The following CNTN4 variants were observed in gnomAD, a reference collection of about 807,000 sequenced individuals.
CNTN4 encodes the protein contactin-4.
CNTN4 carries 77 observed loss-of-function variants against 122.5 expected under a neutral mutation model. The ratio of observed to expected loss-of-function variants is 0.63; its 90% CI spans 0.52 to 0.76. CNTN4 has a LOEUF of 0.76. Ranked by LOEUF, CNTN4 falls within the 30% of genes least tolerant of loss-of-function variation. The pLI is 0.00. For synonymous variants in CNTN4, 512 were observed against 447.0 expected, an observed-to-expected ratio of 1.15 and a Z score of -1.83; for missense variants, 1,256 against 1,259.1, an observed-to-expected ratio of 1.00 and a Z score of 0.04.
chr3:2,536,248 A>G (rs1386126804), intron 3 of CNTN4, among the ~76,000 whole-genome samples: 1 of 152,166 alleles, frequency 6.6e-6, no homozygotes, highest in Non-Finnish European at 1.5e-5. Context: ...TTTCAAATCC[A>G]CAAAGTTCAA....
At chr3:2,986,483 C>T (rs1421350611) in intron 13 of CNTN4, among the ~76,000 whole-genome samples, 1 of 152,288 alleles carries the variant, frequency 6.6e-6, no homozygotes, top group African/African-American at 2.4e-5. Flanking sequence ...ACCTTCATAC[C>T]CTCTCATCAG....
intron 2 of CNTN4, among the ~76,000 whole-genome samples, chr3:2,190,860 C>A (rs191034570): frequency 3.0e-4 from 45 of 150,858 alleles, no homozygotes; most frequent in Non-Finnish European, 3.5e-4. Flanking sequence ...AAATATATAT[C>A]TCGTACACAC....
At chr3:2,783,112 C>G (rs1215243063) in intron 6 of CNTN4, among the ~76,000 whole-genome samples, 1 of 150,948 alleles carries the variant, frequency 6.6e-6, no homozygotes, top group South Asian at 2.1e-4. Flanking sequence ...GATTTTCTCT[C>G]TACTAATTTT....
At chr3:2,573,345 ATCCC>A (rs2079513294) in intron 4 of CNTN4, among the ~76,000 whole-genome samples, 1 of 152,154 alleles carries the variant, frequency 6.6e-6, no homozygotes, top group Admixed American at 6.5e-5. Flanking sequence ...ACATCTTGGC[ATCCC>A]TCTTAGTGAT....
Position 2,745,648 on chromosome 3 carries a change from A to G in CNTN4, c.309A>G (p.Thr103=), listed in dbSNP as rs770983684. The change falls in exon 6 of 25, where the codon ACA becomes ACG. Residue 103 remains threonine (T), a synonymous_variant. Transcript: ENST00000418658. ...QDAGTYQCTA[T]NSFGTIVSRE... ...CTGGAACGTACCAGTGCACAGCGACAAACTCGTTTGGAACAATTGTTAGCA... is the reference window on the plus strand; with the variant it reads ...CTGGAACGTACCAGTGCACAGCGACGAACTCGTTTGGAACAATTGTTAGCA... The G allele has an allele frequency of 4.0e-5, 64 of 1,614,006 alleles. No homozygotes were observed. The highest frequency in any genetic ancestry group is 6.7e-5 in the Admixed American group (4 of 60,008).
intron 4 of CNTN4, among the ~76,000 whole-genome samples, chr3:2,693,795 C>T (rs2149208795): frequency 6.6e-6 from 1 of 152,284 alleles, no homozygotes; most frequent in African/African-American, 2.4e-5. Flanking sequence ...TACTAGGAAA[C>T]ACATCACAAG....
intron 13 of CNTN4, among the ~76,000 whole-genome samples, chr3:2,937,573 C>T (rs746342697): frequency 6.6e-6 from 1 of 152,040 alleles, no homozygotes; most frequent in Non-Finnish European, 1.5e-5. Flanking sequence ...GGTCTAGTTC[C>T]GTTGGGGAAG....
intron 3 of CNTN4, among the ~76,000 whole-genome samples, chr3:2,406,265 C>A (rs2047032351): frequency 1.3e-5 from 2 of 152,136 alleles, no homozygotes; most frequent in Non-Finnish European, 2.9e-5. Flanking sequence ...AATGGTAAGA[C>A]ATTTTGACAT....
intron 2 of CNTN4, among the ~76,000 whole-genome samples, chr3:2,222,501 C>G (rs1467389737): frequency 6.6e-6 from 1 of 151,882 alleles, no homozygotes; most frequent in Non-Finnish European, 1.5e-5. Context: ...TTGGAAAGTA[C>G]TAAAAACCAT....
At chr3:3,003,722 A>AC (rs1696307675) in intron 14 of CNTN4, among the ~76,000 whole-genome samples, 1 of 149,076 alleles carries the variant, frequency 6.7e-6, no homozygotes. Flanking sequence ...AAACAAAAAA[A>AC]CCCCACTGAA....
chr3:2,531,044 A>C (rs981164989), intron 3 of CNTN4, among the ~76,000 whole-genome samples: 2 of 152,196 alleles, frequency 1.3e-5, no homozygotes, highest in Non-Finnish European at 2.9e-5. Context: ...TACTAACAGA[A>C]GTGACTACAG....
At chr3:3,039,182 C>G (rs552765938) in intron 19 of CNTN4, 179 bp downstream of exon 19, 2 of 624,412 alleles carry the variant, frequency 3.2e-6, no homozygotes, top group South Asian at 1.8e-5. Context: ...ACTTGCCCAT[C>G]CATTGTTGAG....
At chr3:2,705,868 TAA>T (rs2086688444) in intron 4 of CNTN4, among the ~76,000 whole-genome samples, 1 of 80,198 alleles carries the variant, frequency 1.2e-5, no homozygotes, top group Admixed American at 2.1e-4. Flanking sequence ...TGTTTATATA[TAA>T]TATATATTTT....
intron 3 of CNTN4, among the ~76,000 whole-genome samples, chr3:2,401,487 C>G (rs1459038918): frequency 6.6e-6 from 1 of 152,048 alleles, no homozygotes; most frequent in Non-Finnish European, 1.5e-5. Flanking sequence ...AGAGTTTTCA[C>G]TTTATTATGT....
chr3:2,821,649 CG>C (rs1241158987), intron 7 of CNTN4, among the ~76,000 whole-genome samples: 1 of 152,052 alleles, frequency 6.6e-6, no homozygotes, highest in Non-Finnish European at 1.5e-5. Context: ...CTTGCAGTGT[CG>C]GCTAAAAGGA....
intron 2 of CNTN4, among the ~76,000 whole-genome samples, chr3:2,134,141 T>C (rs950972808): frequency 7.2e-5 from 11 of 152,188 alleles, no homozygotes; most frequent in Admixed American, 1.3e-4. Context: ...ATGACTTGCT[T>C]GTGTCTAGAA....
At chr3:2,775,678 C>G (rs2091287917) in intron 6 of CNTN4, among the ~76,000 whole-genome samples, 2 of 152,142 alleles carry the variant, frequency 1.3e-5, no homozygotes, top group African/African-American at 4.8e-5. Flanking sequence ...GCCTTAGCCT[C>G]CCAAACTGCT....
intron 7 of CNTN4, among the ~76,000 whole-genome samples, chr3:2,826,646 C>T (rs2092994550): frequency 6.6e-6 from 1 of 152,194 alleles, no homozygotes; most frequent in Non-Finnish European, 1.5e-5. Context: ...CCCACACCTA[C>T]TCAGCTTTCG....
chr3:2,458,382 G>C (rs1482051219), intron 3 of CNTN4, among the ~76,000 whole-genome samples: 1 of 151,864 alleles, frequency 6.6e-6, no homozygotes, highest in Non-Finnish European at 1.5e-5. Flanking sequence ...AGTCCTATAG[G>C]GTAAGTTGAG....
Sources: allele counts gnomAD v4.1 joint callset (sites outside exome capture counted in the v4.1 genomes callset), GRCh38; gene constraint gnomAD v4.1.1; transcripts MANE v1.5; gene names NCBI Gene and HGNC (gene_info 2026-07-23, HGNC 2026-07-21).